TRPS1: variants seen among roughly 807,000 people sequenced by gnomAD.
TRPS1 encodes zinc finger transcription factor Trps1.
A neutral mutation model predicts 101.2 loss-of-function variants in TRPS1; 6 were observed. The ratio of observed to expected loss-of-function variants is 0.06; its 90% CI spans 0.03 to 0.12. The LOEUF (loss-of-function observed/expected upper bound fraction) is 0.12. TRPS1 is among the 10% of genes least tolerant of loss of function. The pLI is 1.00. For missense variants in TRPS1, 1,363 were observed against 1,567.0 expected (o/e 0.87, Z 2.20); for synonymous variants, 578 against 589.8 (o/e 0.98, Z 0.29).
chr8:115,527,333 T>C (rs1183014205), intron 5 of TRPS1, among the ~76,000 whole-genome samples: 2 of 152,086 alleles, frequency 1.3e-5, no homozygotes, highest in African/African-American at 4.8e-5. Flanking sequence ...TTTTCAGATG[T>C]GCAAAATTAT....
At position 115,505,861 on chromosome 8, in the gene TRPS1, T is replaced by G. The variant is rs1192825190; in HGVS notation, c.2700+81140A>C. ...TGTTTACACTGAAAAGCTTACAAAT[T>G]TTTTTAAATGTGTATGTTTAAGTGT... On this transcript the variant is annotated intron_variant, in intron 5 of 6. Coordinates refer to ENST00000395715, the MANE Select transcript of TRPS1 (RefSeq NM_014112.5). 3.9e-5 allele frequency among the ~76,000 whole-genome samples: 6 copies of G among 152,224 alleles called. No individual in the cohort carries two copies. In the East Asian group the frequency reaches 1.2e-3, roughly 29 times the overall value.
intron 3 of TRPS1, among the ~76,000 whole-genome samples, chr8:115,609,653 G>A (rs1299779851): frequency 6.6e-6 from 1 of 152,134 alleles, no homozygotes; most frequent in Admixed American, 6.6e-5. Context: ...GCAAATGACT[G>A]ACTATGGAGT....
chr8:115,441,890 A>AGT (rs1368942740), intron 5 of TRPS1, among the ~76,000 whole-genome samples: 68 of 137,576 alleles, frequency 4.9e-4, no homozygotes, highest in South Asian at 2.7e-3. Flanking sequence ...AGAGAGAGAG[A>AGT]GAGAGAGAGT....
intron 1 of TRPS1, among the ~76,000 whole-genome samples, chr8:115,666,710 G>T (rs765504498): frequency 6.6e-6 from 1 of 152,226 alleles, no homozygotes; most frequent in Admixed American, 6.5e-5. Flanking sequence ...TTCAGAGCTG[G>T]AGGACTTTGA....
At chr8:115,633,679 A>C (rs1818701232) in intron 1 of TRPS1, among the ~76,000 whole-genome samples, 1 of 152,154 alleles carries the variant, frequency 6.6e-6, no homozygotes, top group East Asian at 1.9e-4. Flanking sequence ...AGATGAGCAA[A>C]TAAAACAATA....
intron 5 of TRPS1, among the ~76,000 whole-genome samples, chr8:115,512,563 A>G (rs1586350723): frequency 6.6e-6 from 1 of 151,702 alleles, no homozygotes; most frequent in East Asian, 1.9e-4. Context: ...TCATGAGTGA[A>G]AAAGTTCAAT....
rs1399622356 is a variant in TRPS1 at position 115,411,523 on chromosome 8, ATTG to A, written c.*2497_*2499del. On this transcript the variant is annotated 3_prime_UTR_variant, in exon 7 of 7. Transcript: ENST00000395715. ...ATTCTTTTTACTAAGAAAATTAAAT[ATTG>A]TTGTTTGGGGGAATCTCCTCTCTTT... 2.6e-5 allele frequency: 4 copies of A among 152,442 alleles called. No individual in the cohort carries two copies. Among genetic ancestry groups the A allele is most frequent in the African/African-American group, 4.8e-5 (2 of 41,420 alleles). 9.4% of individuals were successfully genotyped at this position (152,442 alleles called of 1,614,324 possible). A position where few individuals can be genotyped will look rare whatever the true frequency, so the allele number is the denominator to read the frequency against.
Position 115,487,844 on chromosome 8 carries a change from G to A in TRPS1, c.2701-69392C>T, listed in dbSNP as rs982019805. Among the ~76,000 whole-genome samples the A allele has an allele frequency of 5.3e-5, 8 of 152,200 alleles. No individual in the cohort carries two copies. The East Asian group carries it at 1.3e-3, about 26-fold the overall frequency. ...TAGTCCTAGTAAATATGCTGTGAAT[G>A]TTGTTGAAATGAACAAAGGATTAAG... On this transcript the variant is annotated intron_variant, in intron 5 of 6. Coordinates refer to ENST00000395715, the MANE Select transcript of TRPS1 (RefSeq NM_014112.5).
chr8:115,620,265 A>G (rs765439275), intron 2 of TRPS1, among the ~76,000 whole-genome samples: 12 of 152,056 alleles, frequency 7.9e-5, no homozygotes, highest in Non-Finnish European at 1.8e-4. Context: ...TTTTGTAACC[A>G]AGACTGGCTC....
intron 5 of TRPS1, among the ~76,000 whole-genome samples, chr8:115,502,498 G>A (rs562112521): frequency 1.3e-5 from 2 of 152,256 alleles, no homozygotes; most frequent in African/African-American, 4.8e-5. Flanking sequence ...AAGACTGTAG[G>A]TTTCAAAACA....
intron 5 of TRPS1, among the ~76,000 whole-genome samples, chr8:115,584,783 A>C (rs906754327): frequency 1.3e-5 from 2 of 152,072 alleles, no homozygotes; most frequent in African/African-American, 4.8e-5. Context: ...GTGTCTTAAA[A>C]AGCTCATCAT....
At chr8:115,612,153 C>T (rs1365623668) in intron 3 of TRPS1, among the ~76,000 whole-genome samples, 1 of 1,676 alleles carries the variant, frequency 6.0e-4, no homozygotes, top group African/African-American at 2.2e-3. Flanking sequence ...AAGAAAAGAA[C>T]AGAAAAAGAG....
rs769058997 is a variant in TRPS1, at chr8:115,620,038, G to T, written c.60C>A (p.Pro20=). ...CTTCACTTGCAACGTTTCTCAGAGGGGGGTTCTTTTTCCGGACCATATCTG... is the reference window on the plus strand; with the variant it reads ...CTTCACTTGCAACGTTTCTCAGAGGTGGGTTCTTTTTCCGGACCATATCTG... The part of the protein sequence containing the change: ...DFTNMVRKKN[P]PLRNVASEGE... The change falls in exon 3 of 7, where the codon CCC becomes CCA. Residue 20 remains proline, a synonymous_variant. Transcript: ENST00000395715. 3.1e-6 allele frequency: 5 copies of T among 1,614,138 alleles called. No individual in the cohort carries two copies. The highest frequency in any genetic ancestry group is 4.2e-6 in the Non-Finnish European group (5 of 1,180,040).
chr8:115,618,055 T>C (rs1237976898), intron 3 of TRPS1, among the ~76,000 whole-genome samples: 1 of 152,200 alleles, frequency 6.6e-6, no homozygotes, highest in Non-Finnish European at 1.5e-5. Context: ...CTTTTCTTAA[T>C]TGGTATTAGG....
rs201632161 is a variant in TRPS1, at chr8:115,597,880, G to A, written c.2096+5993C>T. The stretch of plus-strand genomic sequence containing the variant: ...ATAAAGATACCTCAATTTTCCTTTA[G>A]TTTATATTTGCTGGTATAACTAAGT... On this transcript the variant is annotated intron_variant, in intron 4 of 6. Transcript: ENST00000395715. Among the ~76,000 whole-genome samples, 8 of 152,052 alleles carry A rather than the reference G, an allele frequency of 5.3e-5. No homozygotes were observed. The East Asian group carries it at 1.4e-3, about 26-fold the overall frequency.
intron 3 of TRPS1, among the ~76,000 whole-genome samples, chr8:115,614,700 C>A (rs1275792034): frequency 1.3e-5 from 2 of 152,202 alleles, no homozygotes; most frequent in Admixed American, 6.5e-5. Context: ...TTTTTCTAAA[C>A]TGCAATTGTC....
intron 1 of TRPS1, chr8:115,637,364 T>A: frequency 5.3e-6 from 5 of 935,294 alleles, no homozygotes; most frequent in Non-Finnish European, 6.4e-6. Context: ...CTAAACTAGA[T>A]GTGGTGTGAC....
chr8:115,476,650 T>C (rs1814614200), intron 5 of TRPS1, among the ~76,000 whole-genome samples: 1 of 152,204 alleles, frequency 6.6e-6, no homozygotes, highest in African/African-American at 2.4e-5. Flanking sequence ...AGGAGGAAAT[T>C]TGGTTTCTGC....
chr8:115,529,506 T>A (rs1296809044), intron 5 of TRPS1, among the ~76,000 whole-genome samples: 1 of 152,098 alleles, frequency 6.6e-6, no homozygotes, highest in Non-Finnish European at 1.5e-5. Flanking sequence ...GATTTTACAT[T>A]AACAAAAAAA....
Sources: gnomAD v4.1 joint callset for allele counts (sites outside exome capture counted in the v4.1 genomes callset) on GRCh38, gnomAD v4.1.1 for gene constraint, MANE v1.5 for transcripts, NCBI Gene and HGNC (gene_info 2026-07-23, HGNC 2026-07-21) for gene names.